Variants in GNG12 observed in about 807,000 individuals in gnomAD.
GNG12 encodes the protein G protein subunit gamma 12, also known as guanine nucleotide-binding protein G(I)/G(S)/G(O) subunit gamma-12.
For synonymous variants in GNG12, 28 were observed against 29.7 expected, an observed-to-expected ratio of 0.94 and a Z score of 0.19; for missense variants, 69 against 83.8, an observed-to-expected ratio of 0.82 and a Z score of 0.69.
At chr1:67,789,807 C>CA (rs1421286571) in intron 1 of GNG12, among the ~76,000 whole-genome samples, 1 of 151,710 alleles carries the variant, frequency 6.6e-6, no homozygotes, top group African/African-American at 2.4e-5. Context: ...GCCTTGGACT[C>CA]AGAGGAAGAA....
At chr1:67,795,434 C>T (rs1300520668) in intron 1 of GNG12, among the ~76,000 whole-genome samples, 5 of 152,172 alleles carry the variant, frequency 3.3e-5, no homozygotes, top group Non-Finnish European at 4.4e-5. Context: ...ATCTTGCTTA[C>T]CTGTGTTGAG....
chr1:67,709,811 GATATAT>G (rs560758532), intron 2 of GNG12, among the ~76,000 whole-genome samples: 1 of 121,194 alleles, frequency 8.3e-6, no homozygotes, highest in Non-Finnish European at 1.6e-5. Context: ...GCAAGTTGCA[GATATAT>G]ATATATATAA....
rs543947527 is a variant in GNG12 at position 67,722,612 on chromosome 1, G to T, written c.-26-14900C>A. ...CTTGAAGGGTAGGAACTTGACAGGT[G>T]GGGGTGGGGAGAATTTCAAAACAGT... is the stretch of plus-strand genomic sequence containing the variant. On this transcript the variant is annotated intron_variant, in intron 2 of 3. Coordinates refer to ENST00000370982, the MANE Select transcript of GNG12 (RefSeq NM_018841.6). Among the ~76,000 whole-genome samples, 3 of 152,120 alleles carry T rather than the reference G, an allele frequency of 2.0e-5. No individual in the cohort carries two copies. The South Asian group carries it at 6.2e-4, about 32-fold the overall frequency.
intron 2 of GNG12, among the ~76,000 whole-genome samples, chr1:67,708,051 A>C (rs1190709800): frequency 3.3e-5 from 5 of 152,248 alleles, no homozygotes; most frequent in Non-Finnish European, 7.3e-5. Context: ...GACCTGTGGC[A>C]AAAGTGAGCA....
rs146249907 is a variant in GNG12, at chr1:67,793,963, C to A, written c.-76-16456G>T. The stretch of plus-strand genomic sequence containing the variant: ...CTCTTTTGAATTCGTTTACTCTTTT[C>A]TTTTGCCATCCAAAACGGAGGAGGG... On this transcript the variant is annotated intron_variant, in intron 1 of 3. Transcript: ENST00000370982. Among the ~76,000 whole-genome samples, 374 of 152,268 alleles carry A rather than the reference C, an allele frequency of 2.5e-3. 2 individuals carry two copies. The highest frequency in any genetic ancestry group is 3.4e-3 in the Middle Eastern group (1 of 294).
At position 67,702,652 on chromosome 1, in the gene GNG12, G is replaced by A. The variant is rs1375943164; in HGVS notation, c.*2799C>T. The stretch of plus-strand genomic sequence containing the variant: ...ATGAGCCATCACTTGTGAACCATCT[G>A]GTATATAAAATATTTCCCTTATTTA... On this transcript the variant is annotated 3_prime_UTR_variant, in exon 4 of 4. Transcript: ENST00000370982. The A allele has an allele frequency of 6.6e-6, 1 of 151,576 alleles. No individual in the cohort carries two copies. Among genetic ancestry groups the A allele is most frequent in the East Asian group, 1.9e-4 (1 of 5,196 alleles). 9.4% of individuals were successfully genotyped at this position (151,576 alleles called of 1,614,324 possible). A position where few individuals can be genotyped will look rare whatever the true frequency, so the allele number is the denominator to read the frequency against.
At chr1:67,786,861 T>C (rs1276923408) in intron 1 of GNG12, among the ~76,000 whole-genome samples, 4 of 151,676 alleles carry the variant, frequency 2.6e-5, no homozygotes. Flanking sequence ...TGCTTGAACC[T>C]GGGAGGTGGA....
intron 1 of GNG12, among the ~76,000 whole-genome samples, chr1:67,797,922 T>C (rs1646841720): frequency 6.6e-6 from 1 of 152,206 alleles, no homozygotes; most frequent in Non-Finnish European, 1.5e-5. Context: ...CACCACTGGA[T>C]GACCACGGTG....
intron 1 of GNG12, among the ~76,000 whole-genome samples, chr1:67,830,002 C>CT (rs35214495): frequency 0.3 from 35,707 of 117,264 alleles, 5,562 homozygotes; most frequent in Middle Eastern, 0.43. Flanking sequence ...AAGATGGAGG[C>CT]TTTTTTTTTT....
chr1:67,776,618 C>T (rs778704588), intron 2 of GNG12, among the ~76,000 whole-genome samples: 2 of 152,110 alleles, frequency 1.3e-5, no homozygotes, highest in African/African-American at 4.8e-5. Flanking sequence ...ATCTCTCCAC[C>T]TGACAGCCAG....
At chr1:67,771,014 A>G (rs1261994183) in intron 2 of GNG12, among the ~76,000 whole-genome samples, 1 of 142,628 alleles carries the variant, frequency 7.0e-6, no homozygotes, top group Admixed American at 6.9e-5. Flanking sequence ...ACAGAGATAC[A>G]GAGAGAGAGA....
At chr1:67,745,550 A>C (rs1646503166) in intron 2 of GNG12, among the ~76,000 whole-genome samples, 1 of 152,140 alleles carries the variant, frequency 6.6e-6, no homozygotes, top group South Asian at 2.1e-4. Flanking sequence ...AAACTGCTTT[A>C]TTTCTTTGCA....
At chr1:67,809,216 A>G (rs1646909694) in intron 1 of GNG12, among the ~76,000 whole-genome samples, 1 of 152,134 alleles carries the variant, frequency 6.6e-6, no homozygotes, top group Admixed American at 6.6e-5. Context: ...AGAACTGGAC[A>G]TCCACATTCC....
intron 2 of GNG12, among the ~76,000 whole-genome samples, chr1:67,761,373 G>A (rs1480220526): frequency 1.3e-5 from 2 of 152,204 alleles, no homozygotes; most frequent in Non-Finnish European, 2.9e-5. Flanking sequence ...GATAAACAGA[G>A]AGGCTTCCAA....
chr1:67,811,264 T>C (rs1327688914), intron 1 of GNG12, among the ~76,000 whole-genome samples: 2 of 152,186 alleles, frequency 1.3e-5, no homozygotes, highest in Non-Finnish European at 2.9e-5. Flanking sequence ...CTGATTGAAC[T>C]GGGTAGGGAG....
chr1:67,818,412 G>GTTTT lies in GNG12; in HGVS notation c.-77+14931_-77+14932insAAAA, dbSNP rs1336642112. Among the ~76,000 whole-genome samples the GTTTT allele has an allele frequency of 3.8e-4, 43 of 112,612 alleles. 2 individuals are homozygous for GTTTT. Among genetic ancestry groups the GTTTT allele is most frequent in the African/African-American group, 1.7e-3 (42 of 25,440 alleles). 73.9% of individuals were successfully genotyped at this position (112,612 alleles called of 152,430 possible). On this transcript the variant is annotated intron_variant, in intron 1 of 3. Transcript: ENST00000370982. ...AAATTATTCATGGGGAAAGACCAGG[G>GTTTT]GTTTTTTTTTTTTTTTTTTTTTTTT...
chr1:67,724,126 T>C (rs150480655), intron 2 of GNG12, among the ~76,000 whole-genome samples: 1 of 152,120 alleles, frequency 6.6e-6, no homozygotes. Flanking sequence ...TCAGAGATGG[T>C]TGGCACTGGA....
At chr1:67,794,846 G>A (rs1004208713) in intron 1 of GNG12, among the ~76,000 whole-genome samples, 1 of 152,222 alleles carries the variant, frequency 6.6e-6, no homozygotes, top group African/African-American at 2.4e-5. Context: ...CAGAGTGGTC[G>A]CTCCATCCAT....
chr1:67,706,502 G>C (rs1452397590), intron 3 of GNG12, among the ~76,000 whole-genome samples: 1 of 152,120 alleles, frequency 6.6e-6, no homozygotes, highest in African/African-American at 2.4e-5. Context: ...AGATCCTACA[G>C]AATAGGATCT....
Sources: gnomAD v4.1 joint callset for allele counts (sites outside exome capture counted in the v4.1 genomes callset) on GRCh38, gnomAD v4.1.1 for gene constraint, MANE v1.5 for transcripts, NCBI Gene and HGNC (gene_info 2026-07-23, HGNC 2026-07-21) for gene names.